Variants in BTAF1 observed in about 807,000 individuals in gnomAD.
BTAF1 encodes the protein TATA-binding protein-associated factor 172.
BTAF1 carries 38 observed loss-of-function variants against 227.1 expected under a neutral mutation model. That is an observed-to-expected ratio of 0.17 (90% confidence interval 0.13 to 0.22). The LOEUF (loss-of-function observed/expected upper bound fraction) is 0.22. BTAF1 is among the 10% of genes least tolerant of loss of function. The pLI is 1.00. For synonymous variants in BTAF1, 742 were observed against 751.9 expected, an observed-to-expected ratio of 0.99 and a Z score of 0.21; for missense variants, 1,598 against 2,204.0, an observed-to-expected ratio of 0.73 and a Z score of 5.51.
intron 25 of BTAF1, among the ~76,000 whole-genome samples, chr10:92,007,178 C>G (rs1589950614): frequency 7.7e-6 from 1 of 130,124 alleles, no homozygotes; most frequent in African/African-American, 2.8e-5. Flanking sequence ...TAAAATCGAT[C>G]ATTTTTACTG....
chr10:91,925,789 C>T (rs1156679227), intron 1 of BTAF1, among the ~76,000 whole-genome samples: 2 of 152,004 alleles, frequency 1.3e-5, no homozygotes, highest in Non-Finnish European at 2.9e-5. Flanking sequence ...GGATTACAGG[C>T]GTGAGCCACC....
At chr10:91,938,520 A>C (rs1844782521) in intron 2 of BTAF1, among the ~76,000 whole-genome samples, 1 of 152,208 alleles carries the variant, frequency 6.6e-6, no homozygotes. Context: ...TGTTGAAAAG[A>C]CTATTATTTC....
chr10:91,958,986 C>T (rs1036836880), intron 8 of BTAF1, 79 bp from the exon 9 acceptor site: 1 of 1,235,266 alleles, frequency 8.1e-7, no homozygotes, highest in African/African-American at 1.5e-5. Flanking sequence ...ATCCAGTATC[C>T]CTATTTCGTA....
At chr10:91,956,094 C>T (rs1000366044) in intron 6 of BTAF1, among the ~76,000 whole-genome samples, 1 of 151,938 alleles carries the variant, frequency 6.6e-6, no homozygotes, top group Non-Finnish European at 1.5e-5. Flanking sequence ...TGTTTATCTC[C>T]ATATTTTTCA....
At position 91,979,081 on chromosome 10, in the gene BTAF1, C is replaced by T. The variant is rs543876705; in HGVS notation, c.1651-1373C>T. On this transcript the variant is annotated intron_variant, in intron 14 of 37. Coordinates refer to ENST00000265990, the MANE Select transcript of BTAF1 (RefSeq NM_003972.3). The stretch of plus-strand genomic sequence containing the variant: ...CTTACAGGTGAGAATATGTACTTCT[C>T]TGTTCCTGTGTTAGTTTGCTAAGGA... 9.9e-5 allele frequency among the ~76,000 whole-genome samples: 15 copies of T among 152,078 alleles called. No homozygotes were observed. In the East Asian group the frequency reaches 2.9e-3, roughly 29 times the overall value.
intron 25 of BTAF1, among the ~76,000 whole-genome samples, chr10:91,998,853 T>C (rs1177873213): frequency 6.6e-6 from 1 of 151,990 alleles, no homozygotes; most frequent in Non-Finnish European, 1.5e-5. Context: ...GAGTTCGAAA[T>C]TAGCCTGACC....
chr10:91,994,691 G>T (rs373849697), intron 23 of BTAF1, 47 bp downstream of exon 23: 3 of 1,499,110 alleles, frequency 2.0e-6, no homozygotes, highest in South Asian at 2.3e-5. Context: ...AAAACAAGTG[G>T]TCTTATTAAA....
At chr10:91,934,943 T>C (rs1028352415) in intron 1 of BTAF1, among the ~76,000 whole-genome samples, 4 of 152,206 alleles carry the variant, frequency 2.6e-5, no homozygotes, top group African/African-American at 9.6e-5. Flanking sequence ...TTCGCTCCTT[T>C]CTTTCATAAT....
chr10:91,924,187 G>A, intron 1 of BTAF1, 97 bp downstream of exon 1: 1 of 1,491,906 alleles, frequency 6.7e-7, no homozygotes, highest in Non-Finnish European at 9.0e-7. Context: ...GGTTCTCATT[G>A]TCACTGGGCT....
At chr10:91,994,503 T>C in intron 22 of BTAF1, 32 bp from the exon 23 acceptor site, 1 of 1,511,162 alleles carries the variant, frequency 6.6e-7, no homozygotes, top group Non-Finnish European at 9.1e-7. Context: ...AAAAATTATT[T>C]GCCAGATAAT....
intron 4 of BTAF1, among the ~76,000 whole-genome samples, chr10:91,945,676 C>G (rs549628774): frequency 6.6e-6 from 1 of 152,246 alleles, no homozygotes; most frequent in East Asian, 1.9e-4. Flanking sequence ...TTTTGTTTAT[C>G]CATTCATCCA....
Position 91,923,971 on chromosome 10 carries a change from C to T in BTAF1, c.-106C>T. The stretch of plus-strand genomic sequence containing the variant: ...CGCCCCACGCCGCACCGGCCGCTCC[C>T]CTGTGCTCCGCGGCCTGGGCCTGCG... On this transcript the variant is annotated 5_prime_UTR_variant, in exon 1 of 38. Transcript: ENST00000265990. The T allele has an allele frequency of 2.1e-6, 3 of 1,416,106 alleles. No individual in the cohort carries two copies. The highest frequency in any genetic ancestry group is 2.8e-6 in the Non-Finnish European group (3 of 1,070,588). The allele number at this position is 1,416,106 out of a possible 1,614,324, so 87.7% of individuals were successfully genotyped here. A position where few individuals can be genotyped will look rare whatever the true frequency, so the allele number is the denominator to read the frequency against.
rs554692840 is a variant in BTAF1, at chr10:92,024,738, T to TTG, written c.4864-17_4864-16insGT. On this transcript the variant is annotated splice_polypyrimidine_tract_variant and intron_variant, in intron 34 of 37. Transcript: ENST00000265990. Reference sequence around the variant, plus strand: ...TTTATTGAACGCTTATGTAGTTTTTTTTTTTTTTCTTCCTAAGTTGCTGTT... The same window carrying TTG: ...TTTATTGAACGCTTATGTAGTTTTTTTGTTTTTTTTCTTCCTAAGTTGCTGTT... The TTG allele has an allele frequency of 7.0e-6, 11 of 1,570,632 alleles. No homozygotes were observed. Among genetic ancestry groups the TTG allele is most frequent in the African/African-American group, 1.4e-5 (1 of 72,798 alleles).
intron 34 of BTAF1, among the ~76,000 whole-genome samples, chr10:92,023,932 G>A (rs774530463): frequency 6.6e-5 from 10 of 152,060 alleles, no homozygotes; most frequent in African/African-American, 2.2e-4. Context: ...CCCCACTGCC[G>A]GCCCAGCTCT....
At chr10:91,926,699 A>C (rs1843858128) in intron 1 of BTAF1, among the ~76,000 whole-genome samples, 2 of 152,222 alleles carry the variant, frequency 1.3e-5, no homozygotes, top group African/African-American at 4.8e-5. Context: ...GATAAGTCTC[A>C]TAGTAAGTTT....
chr10:91,930,221 T>TATAC (rs1043278957), intron 1 of BTAF1, among the ~76,000 whole-genome samples: 1 of 152,204 alleles, frequency 6.6e-6, no homozygotes, highest in Non-Finnish European at 1.5e-5. Context: ...TAGATTAGTA[T>TATAC]GTACTATGTT....
At chr10:92,024,252 A>C (rs1590001565) in intron 34 of BTAF1, among the ~76,000 whole-genome samples, 1 of 152,122 alleles carries the variant, frequency 6.6e-6, no homozygotes, top group African/African-American at 2.4e-5. Flanking sequence ...TGGCTGCTCC[A>C]TTGTTTTCTT....
At chr10:91,953,915 T>G in intron 6 of BTAF1, 42 bp downstream of exon 6, 1 of 1,605,666 alleles carries the variant, frequency 6.2e-7, no homozygotes, top group Non-Finnish European at 8.5e-7. Context: ...ACAAGAGGGC[T>G]CTGTGGCTTT....
chr10:91,929,978 A>G (rs2133767256), intron 1 of BTAF1, among the ~76,000 whole-genome samples: 2 of 152,304 alleles, frequency 1.3e-5, no homozygotes, highest in East Asian at 3.9e-4. Context: ...GCATTAATCA[A>G]AGCTTTTCCA....
Sources: allele counts gnomAD v4.1 joint callset (sites outside exome capture counted in the v4.1 genomes callset), GRCh38; gene constraint gnomAD v4.1.1; transcripts MANE v1.5; gene names NCBI Gene and HGNC (gene_info 2026-07-23, HGNC 2026-07-21).